DMXL2: variants seen among roughly 807,000 people sequenced by gnomAD.
DMXL2 encodes the protein dmX-like protein 2.
DMXL2 carries 103 observed loss-of-function variants against 331.1 expected under a neutral mutation model. The observed-to-expected ratio is 0.31, with a 90% CI of 0.27 to 0.37. DMXL2 has a LOEUF of 0.37. Ranked by LOEUF, DMXL2 falls within the 10% of genes least tolerant of loss-of-function variation. The pLI, the probability that DMXL2 is intolerant of heterozygous loss-of-function variation, is 1.00. For missense variants in DMXL2, 3,171 were observed against 3,642.9 expected, an observed-to-expected ratio of 0.87 and a Z score of 3.33; for synonymous variants, 1,281 against 1,252.1, an observed-to-expected ratio of 1.02 and a Z score of -0.49.
In DMXL2 at chr15:51,547,336, C is replaced by T; in HGVS notation, c.640G>A (p.Glu214Lys). 1 of 1,612,882 alleles carries T rather than the reference C, an allele frequency of 6.2e-7. No individual in the cohort carries two copies. The highest frequency in any genetic ancestry group is 8.5e-7 in the Non-Finnish European group (1 of 1,179,268). ...GTAGAGGACTGTCTCCTTTTTACTTCATGATGATCCTGAGGTATAATTGAA... is the reference window on the plus strand; with the variant it reads ...GTAGAGGACTGTCTCCTTTTTACTTTATGATGATCCTGAGGTATAATTGAA... ...KSSIIPQDHHEVKRRQSSTQF... is the reference protein window; with the variant it reads ...KSSIIPQDHHKVKRRQSSTQF... Residue 214 changes from glutamate (E) to lysine (K), a missense_variant, in exon 7 of 44, where the codon GAA (glutamate) becomes AAA (lysine). Around this residue, in one of 7 missense-constraint regions of DMXL2, gnomAD observed 1,674 missense variants for 1,780.2 expected, o/e 0.94. Transcript: ENST00000560891.
At chr15:51,517,302 ATAC>A in intron 13 of DMXL2, 135 bp from the exon 14 acceptor site, 1 of 623,396 alleles carries the variant, frequency 1.6e-6, no homozygotes, top group Non-Finnish European at 2.9e-6. Context: ...ATTCAAAGAA[ATAC>A]TTCAACTTTC....
chr15:51,581,262 A>G (rs551099011), intron 1 of DMXL2, among the ~76,000 whole-genome samples: 7 of 152,172 alleles, frequency 4.6e-5, no homozygotes, highest in Non-Finnish European at 1.0e-4. Flanking sequence ...TATGCTCTTT[A>G]TGAGAATCTA....
At chr15:51,605,025 C>A (rs1352673180) in intron 1 of DMXL2, among the ~76,000 whole-genome samples, 1 of 142,710 alleles carries the variant, frequency 7.0e-6, no homozygotes, top group Non-Finnish European at 1.5e-5. Flanking sequence ...GTTGGAACAA[C>A]TGGATGTTCA....
At chr15:51,460,596 A>C (rs2040025534) in intron 33 of DMXL2, 1 of 157,088 alleles carries the variant, frequency 6.4e-6, no homozygotes, top group Non-Finnish European at 1.4e-5. Flanking sequence ...TTTCTCAGGG[A>C]TTTTTTTTAA....
At chr15:51,582,906 A>G (rs2051541209) in intron 1 of DMXL2, among the ~76,000 whole-genome samples, 1 of 151,814 alleles carries the variant, frequency 6.6e-6, no homozygotes, top group African/African-American at 2.4e-5. Flanking sequence ...TCCCCTCCTC[A>G]TTCCCAGGAA....
At chr15:51,502,364 C>T (rs1421090175) in intron 17 of DMXL2, among the ~76,000 whole-genome samples, 2 of 143,752 alleles carry the variant, frequency 1.4e-5, no homozygotes, top group Non-Finnish European at 3.0e-5. Context: ...TGTCGCCCGC[C>T]CAGGCTGGAA....
At chr15:51,449,593 G>A (rs746390988) in intron 43 of DMXL2, among the ~76,000 whole-genome samples, 5 of 152,136 alleles carry the variant, frequency 3.3e-5, no homozygotes, top group Admixed American at 6.5e-5. Context: ...AAAGCAATAC[G>A]CATTCAGCAC....
In DMXL2 at chr15:51,448,837, G is replaced by A. The variant is rs775796334; in HGVS notation, c.*147C>T. ...ACATGCGCATTCATTCCACCAACCT[G>A]TTTAGATAATACTCAGCTTGGGTCA... On this transcript the variant is annotated 3_prime_UTR_variant, in exon 44 of 44. Transcript: ENST00000560891. 3.8e-6 allele frequency: 3 copies of A among 787,504 alleles called. No individual in the cohort carries two copies. Among genetic ancestry groups the A allele is most frequent in the Non-Finnish European group, 6.0e-6 (3 of 497,238 alleles). 48.8% of individuals were successfully genotyped at this position (787,504 alleles called of 1,614,324 possible).
At chr15:51,483,176 A>C (rs559813565) in intron 23 of DMXL2, among the ~76,000 whole-genome samples, 24 of 152,332 alleles carry the variant, frequency 1.6e-4, no homozygotes, top group African/African-American at 5.8e-4. Flanking sequence ...AGACGTCAGA[A>C]GTTCACGCAA....
intron 42 of DMXL2, 115 bp from the exon 43 acceptor site, chr15:51,450,461 A>G (rs2039036991): frequency 1.0e-6 from 1 of 992,278 alleles, no homozygotes; most frequent in African/African-American, 1.6e-5. Context: ...ATTCTAAGGT[A>G]CATTTATTGT....
Position 51,531,357 on chromosome 15 carries a change from C to G in DMXL2, c.2436+4306G>C, listed in dbSNP as rs144517400. ...CAGAAGAATAAAACCAGACCCCTAT[C>G]ATTAACTGCATACAAAAATCAAATC... On this transcript the variant is annotated intron_variant, in intron 13 of 43. Transcript: ENST00000560891. Among the ~76,000 whole-genome samples, 359 of 152,270 alleles carry G rather than the reference C, an allele frequency of 2.4e-3. 1 individual carries two copies. Among genetic ancestry groups the G allele is most frequent in the Middle Eastern group, 0.01 (3 of 294 alleles).
At chr15:51,462,529 G>T (rs766917482) in intron 33 of DMXL2, among the ~76,000 whole-genome samples, 1 of 152,026 alleles carries the variant, frequency 6.6e-6, no homozygotes, top group Non-Finnish European at 1.5e-5. Context: ...TAGAGATGGG[G>T]TTTCTCCATG....
chr15:51,449,318 C>T (rs2038928970), intron 43 of DMXL2, 125 bp from the exon 44 acceptor site: 1 of 780,008 alleles, frequency 1.3e-6, no homozygotes, highest in South Asian at 1.7e-5. Flanking sequence ...CTGCCTCTTT[C>T]CTAAGAGCTT....
chr15:51,499,216 A>G lies in DMXL2; in HGVS notation c.4008T>C (p.Ala1336=). 1 of 1,614,086 alleles carries G rather than the reference A, an allele frequency of 6.2e-7. No individual in the cohort carries two copies. Among genetic ancestry groups the G allele is most frequent in the East Asian group, 2.2e-5 (1 of 44,874 alleles). ...TVIQDGGLFE[A]AHVLSPTLPQ... Reference sequence around the variant, plus strand: ...GAAGAGTAGGGGAAAGTACATGTGCAGCCTCAAATAAGCCACCATCTTGAA... The same window carrying G: ...GAAGAGTAGGGGAAAGTACATGTGCGGCCTCAAATAAGCCACCATCTTGAA... Residue 1336 remains alanine, a synonymous_variant, in exon 18 of 44, where the codon GCT becomes GCC. Coordinates refer to ENST00000560891, the MANE Select transcript of DMXL2 (RefSeq NM_001378457.1).
chr15:51,536,130 G>A, intron 12 of DMXL2, 36 bp downstream of exon 12: 4 of 1,471,202 alleles, frequency 2.7e-6, no homozygotes, highest in African/African-American at 1.4e-5. Context: ...TAGTTTAAAA[G>A]CTTGTGTTAA....
At chr15:51,508,187 G>A (rs2046528128) in intron 15 of DMXL2, among the ~76,000 whole-genome samples, 1 of 152,038 alleles carries the variant, frequency 6.6e-6, no homozygotes, top group African/African-American at 2.4e-5. Flanking sequence ...GGGGGTAGGG[G>A]GCTAGGAAGG....
chr15:51,573,870 A>G (rs1326738017), intron 2 of DMXL2, among the ~76,000 whole-genome samples: 1 of 152,118 alleles, frequency 6.6e-6, no homozygotes, highest in East Asian at 1.9e-4. Context: ...ATATGGGAAA[A>G]AATCATATTT....
At chr15:51,481,682 A>G in intron 23 of DMXL2, 59 bp from the exon 24 acceptor site, 1 of 1,429,946 alleles carries the variant, frequency 7.0e-7, no homozygotes, top group Non-Finnish European at 9.4e-7. Flanking sequence ...TTTACATTAC[A>G]AAACAATAAA....
chr15:51,536,672 A>T lies in DMXL2; in HGVS notation c.1808T>A (p.Met603Lys). 1 of 1,614,142 alleles carries T rather than the reference A, an allele frequency of 6.2e-7. No individual in the cohort carries two copies. The highest frequency in any genetic ancestry group is 8.5e-7 in the Non-Finnish European group (1 of 1,179,994). The change falls in exon 12 of 44, where the codon ATG (methionine) becomes AAG (lysine). Residue 603 changes from methionine (M) to lysine (K), a missense_variant. Transcript: ENST00000560891. ...QPHSRSHSTH[M>K]NILAPTVMMI... is the part of the protein sequence containing the mutation. ...CATTACTGTGGGAGCTAAGATGTTC[A>T]TATGTGTACTGTGGGATCTAGAGTG...
Sources: gnomAD v4.1 joint callset for allele counts (sites outside exome capture counted in the v4.1 genomes callset) on GRCh38, gnomAD v4.1.1 for gene constraint, gnomAD v4.1.1 regional missense constraint, MANE v1.5 for transcripts, NCBI Gene and HGNC (gene_info 2026-07-23, HGNC 2026-07-21) for gene names.